Variants in SHCBP1 observed in about 807,000 individuals in gnomAD.
SHCBP1 encodes the protein SHC SH2 domain-binding protein 1.
SHCBP1 carries 60 observed loss-of-function variants against 75.1 expected under a neutral mutation model. The ratio of observed to expected loss-of-function variants is 0.80; its 90% CI spans 0.65 to 0.99. The LOEUF (loss-of-function observed/expected upper bound fraction) is 0.99, where lower values mean the gene tolerates loss of function less well. Ranked by LOEUF, SHCBP1 falls within the 50% of genes least tolerant of loss-of-function variation. The probability of loss-of-function intolerance (pLI) is 0.00; values close to 1 mark genes in which losing one functional copy is unlikely to be tolerated. For synonymous variants in SHCBP1, 290 were observed against 293.2 expected (o/e 0.99, Z 0.11); for missense variants, 709 against 809.4 (o/e 0.88, Z 1.50).
chr16:46,612,903 T>C (rs1451240126), intron 4 of SHCBP1, among the ~76,000 whole-genome samples: 1 of 152,110 alleles, frequency 6.6e-6, no homozygotes, highest in Non-Finnish European at 1.5e-5. Context: ...TGATATCCAC[T>C]CGACCACCAA....
chr16:46,605,796 T>C (rs1286018683), intron 5 of SHCBP1, among the ~76,000 whole-genome samples: 2 of 152,072 alleles, frequency 1.3e-5, no homozygotes, highest in African/African-American at 4.8e-5. Context: ...AAATGCAAGA[T>C]AGAACCATAT....
At chr16:46,583,892 C>T in intron 11 of SHCBP1, 111 bp downstream of exon 11, 1 of 1,001,208 alleles carries the variant, frequency 1.0e-6, no homozygotes, top group Non-Finnish European at 1.5e-6. Flanking sequence ...AATGTGTACA[C>T]TGTTTATGCT....
intron 8 of SHCBP1, among the ~76,000 whole-genome samples, chr16:46,602,201 T>A (rs1281862615): frequency 6.6e-6 from 1 of 152,234 alleles, no homozygotes; most frequent in East Asian, 1.9e-4. Flanking sequence ...ATTTCCACTA[T>A]GCCAAAAAAT....
chr16:46,594,074 A>C (rs559799104), intron 10 of SHCBP1, among the ~76,000 whole-genome samples: 1 of 152,316 alleles, frequency 6.6e-6, no homozygotes, highest in African/African-American at 2.4e-5. Context: ...ATGAACCATG[A>C]CCTAAACCTC....
At chr16:46,589,783 C>G (rs556452840) in intron 10 of SHCBP1, among the ~76,000 whole-genome samples, 6 of 152,320 alleles carry the variant, frequency 3.9e-5, no homozygotes, top group Non-Finnish European at 8.8e-5. Context: ...CCCCATCAAG[C>G]TACCAAGGAC....
At position 46,595,636 on chromosome 16, in the gene SHCBP1, A is replaced by G. The variant is rs1965124667; in HGVS notation, c.1380T>C (p.Cys460=). Residue 460 remains cysteine, a synonymous_variant, in exon 10 of 13, where the codon TGT becomes TGC. Transcript: ENST00000303383. The part of the protein sequence containing the change: ...VHRGKTTLEN[C]VLQCETTGVT... ...CTCCGGTCGTCTCACACTGCAGCAC[A>G]CAGTTTTCCAGCGTAGTCTTACCAC... The G allele has an allele frequency of 6.2e-7, 1 of 1,614,122 alleles. No individual in the cohort carries two copies. The highest frequency in any genetic ancestry group is 2.2e-5 in the East Asian group (1 of 44,886).
At chr16:46,595,501 C>T in intron 10 of SHCBP1, 51 bp downstream of exon 10, 1 of 1,366,882 alleles carries the variant, frequency 7.3e-7, no homozygotes, top group Non-Finnish European at 1.0e-6. Context: ...TTCATATATT[C>T]ATTTACAACT....
At chr16:46,591,567 G>C (rs1390017035) in intron 10 of SHCBP1, among the ~76,000 whole-genome samples, 1 of 151,714 alleles carries the variant, frequency 6.6e-6, no homozygotes, top group Non-Finnish European at 1.5e-5. Flanking sequence ...GTTATAGTTA[G>C]AGACTTCAAC....
chr16:46,612,020 A>T (rs1381003838), intron 4 of SHCBP1, among the ~76,000 whole-genome samples: 1 of 152,244 alleles, frequency 6.6e-6, no homozygotes, highest in Non-Finnish European at 1.5e-5. Context: ...GGGAAAAAAC[A>T]GTAGATGGCC....
At chr16:46,582,640 G>A (rs926027059) in intron 12 of SHCBP1, among the ~76,000 whole-genome samples, 1 of 152,176 alleles carries the variant, frequency 6.6e-6, no homozygotes, top group Non-Finnish European at 1.5e-5. Flanking sequence ...AGAAAATGGA[G>A]ACTTCAGACC....
At chr16:46,584,738 G>C (rs138496136) in intron 10 of SHCBP1, among the ~76,000 whole-genome samples, 1 of 152,092 alleles carries the variant, frequency 6.6e-6, no homozygotes, top group Non-Finnish European at 1.5e-5. Flanking sequence ...CATAAAAATA[G>C]TAAGAATTTC....
chr16:46,592,458 T>C (rs1965062156), intron 10 of SHCBP1, among the ~76,000 whole-genome samples: 1 of 152,170 alleles, frequency 6.6e-6, no homozygotes, highest in African/African-American at 2.4e-5. Context: ...TTCATAATTT[T>C]AAAAATTCCA....
At chr16:46,604,934 T>G (rs934669597) in intron 5 of SHCBP1, among the ~76,000 whole-genome samples, 1 of 152,224 alleles carries the variant, frequency 6.6e-6, no homozygotes, top group Non-Finnish European at 1.5e-5. Flanking sequence ...TTAAAAATTT[T>G]TTTAAGGTTA....
intron 10 of SHCBP1, among the ~76,000 whole-genome samples, chr16:46,584,984 TATGTATACACCA>T (rs1964934651): frequency 6.6e-6 from 1 of 152,180 alleles, no homozygotes; most frequent in Admixed American, 6.5e-5. Flanking sequence ...GCCTGAACCA[TATGTATACACCA>T]ATCTAACTCT....
At chr16:46,588,844 C>T (rs1435671780) in intron 10 of SHCBP1, among the ~76,000 whole-genome samples, 1 of 152,136 alleles carries the variant, frequency 6.6e-6, no homozygotes, top group African/African-American at 2.4e-5. Flanking sequence ...CATCCTGATA[C>T]CAAAGCCTGG....
At chr16:46,583,798 A>C in intron 11 of SHCBP1, 141 bp from the exon 12 acceptor site, 1 of 1,054,598 alleles carries the variant, frequency 9.5e-7, no homozygotes, top group Non-Finnish European at 1.4e-6. Flanking sequence ...CTGCACCCTT[A>C]GTGACACAGC....
chr16:46,619,587 A>G (rs1965554175), intron 1 of SHCBP1, among the ~76,000 whole-genome samples: 1 of 151,642 alleles, frequency 6.6e-6, no homozygotes, highest in Non-Finnish European at 1.5e-5. Context: ...TAAGAAGATT[A>G]ATTGTTAATA....
intron 4 of SHCBP1, among the ~76,000 whole-genome samples, chr16:46,609,729 G>A (rs1965379068): frequency 6.6e-6 from 1 of 151,912 alleles, no homozygotes; most frequent in Non-Finnish European, 1.5e-5. Flanking sequence ...TGGGATTACA[G>A]GCATGAGCCA....
rs756110414 is a variant in SHCBP1 at position 46,621,251 on chromosome 16, G to T, written c.103+6C>A. On this transcript the variant is annotated splice_donor_region_variant and intron_variant, in intron 1 of 12. Transcript: ENST00000303383. Reference sequence around the variant, plus strand: ...CGGCTCCTCGGCCCCGGCATGGAGAGCTCACCTTTCTCCAGAGACGCCAGC... The same window carrying T: ...CGGCTCCTCGGCCCCGGCATGGAGATCTCACCTTTCTCCAGAGACGCCAGC... 6.2e-7 allele frequency: 1 copy of T among 1,605,260 alleles called. No homozygotes were observed. Among genetic ancestry groups the T allele is most frequent in the Non-Finnish European group, 8.5e-7 (1 of 1,176,630 alleles).
Sources: gnomAD v4.1 joint callset for allele counts (sites outside exome capture counted in the v4.1 genomes callset) on GRCh38, gnomAD v4.1.1 for gene constraint, MANE v1.5 for transcripts, NCBI Gene and HGNC (gene_info 2026-07-23, HGNC 2026-07-21) for gene names.